BCL9: variants seen among roughly 807,000 people sequenced by gnomAD.
BCL9 encodes BCL9 transcription coactivator.
Under a neutral mutation model 88.5 loss-of-function variants are expected in BCL9, and 25 were observed. That is an observed-to-expected ratio of 0.28 (90% confidence interval 0.21 to 0.39). The LOEUF (loss-of-function observed/expected upper bound fraction) is 0.39, where lower values mean the gene tolerates loss of function less well. Ranked by LOEUF, BCL9 falls within the 10% of genes least tolerant of loss-of-function variation. The pLI, the probability that BCL9 is intolerant of heterozygous loss-of-function variation, is 1.00. For synonymous variants in BCL9, 711 were observed against 673.3 expected (o/e 1.06, Z -0.87); for missense variants, 1,817 against 1,877.8 (o/e 0.97, Z 0.60).
chr1:147,615,132 C>T (rs781994926), intron 6 of BCL9, among the ~76,000 whole-genome samples: 2 of 152,138 alleles, frequency 1.3e-5, no homozygotes, highest in South Asian at 2.1e-4. Flanking sequence ...TGAGCCACCG[C>T]GCCTGGCCAT....
intron 1 of BCL9, among the ~76,000 whole-genome samples, chr1:147,542,666 C>T (rs1449200409): frequency 2.7e-5 from 4 of 147,290 alleles, no homozygotes; most frequent in African/African-American, 9.9e-5. Flanking sequence ...CTGTTGGCTT[C>T]TGTCCTTTTT....
At position 147,622,382 on chromosome 1, in the gene BCL9, C is replaced by T. The variant is rs1570922569; in HGVS notation, c.3014C>T (p.Pro1005Leu). ...MPPEPTLSQN[P>L]LSIMMSRMSK... ...CCAGAGCCAACCCTTTCCCAGAACC[C>T]ACTCTCTATTATGATGTCTCGAATG... Residue 1005 changes from proline (P) to leucine (L), a missense_variant, in exon 9 of 10, where the codon CCA becomes CTA. Physicochemically the swap from Pro to Leu is moderately conservative, Grantham distance 98. This residue lies in a region of BCL9 where 589 missense variants were observed against 686.2 expected (regional missense o/e 0.86). Coordinates refer to ENST00000234739, the MANE Select transcript of BCL9 (RefSeq NM_004326.4). 1.2e-6 allele frequency: 2 copies of T among 1,614,186 alleles called. No individual in the cohort carries two copies. The highest frequency in any genetic ancestry group is 1.7e-6 in the Non-Finnish European group (2 of 1,180,030).
chr1:147,586,572 C>T (rs1208106833), intron 1 of BCL9, among the ~76,000 whole-genome samples: 1 of 152,172 alleles, frequency 6.6e-6, no homozygotes, highest in Non-Finnish European at 1.5e-5. Flanking sequence ...AGGCGCCTGC[C>T]GTGAGCAATT....
At chr1:147,596,411 C>CTTTT (rs1170664573) in intron 1 of BCL9, among the ~76,000 whole-genome samples, 1 of 6,588 alleles carries the variant, frequency 1.5e-4, no homozygotes, top group Non-Finnish European at 3.1e-4. Flanking sequence ...TCTTTTTTTT[C>CTTTT]TTTTCTTTTT....
chr1:147,605,327 G>A (rs587690903), intron 2 of BCL9, among the ~76,000 whole-genome samples: 60 of 152,156 alleles, frequency 3.9e-4, no homozygotes, highest in Non-Finnish European at 7.1e-4. Flanking sequence ...AGAGTTCCGT[G>A]TCTACACATA....
At position 147,619,932 on chromosome 1, in the gene BCL9, C is replaced by A. The variant is rs1658520013; in HGVS notation, c.1777C>A (p.Pro593Thr). 1 of 1,614,026 alleles carries A rather than the reference C, an allele frequency of 6.2e-7. No homozygotes were observed. ...SRPGLSGVSW[P>T]DDVPKIPDGR... ...ACCAGGTCTTTCTGGAGTCAGTTGGCCAGATGATGTGCCAAAAATCCCAGA... is the reference window on the plus strand; with the variant it reads ...ACCAGGTCTTTCTGGAGTCAGTTGGACAGATGATGTGCCAAAAATCCCAGA... The change falls in exon 8 of 10, where the codon CCA becomes ACA. Residue 593 changes from proline to threonine, a missense_variant. Physicochemically the swap from Pro to Thr is conservative, Grantham distance 38 (BLOSUM62 -1). Transcript: ENST00000234739. This position sits in a 1 kb window ranked among gnomAD's most constrained non-coding sequence, Gnocchi z 4.1.
intron 1 of BCL9, among the ~76,000 whole-genome samples, chr1:147,578,197 A>G (rs11240081): frequency 0.18 from 26,842 of 152,078 alleles, 2,984 homozygotes; most frequent in Admixed American, 0.29. Flanking sequence ...TTTAGTCAGT[A>G]CTGCTTTCTT....
chr1:147,625,607 C>A lies in BCL9; in HGVS notation c.*648C>A, dbSNP rs1415165415. 4.4e-6 allele frequency: 1 copy of A among 224,846 alleles called. No homozygotes were observed. Among genetic ancestry groups the A allele is most frequent in the African/African-American group, 2.2e-5 (1 of 44,636 alleles). The allele number at this position is 224,846 out of a possible 1,614,324, so 13.9% of individuals were successfully genotyped here. A position where few individuals can be genotyped will look rare whatever the true frequency, so the allele number is the denominator to read the frequency against. On this transcript the variant is annotated 3_prime_UTR_variant, in exon 10 of 10. Transcript: ENST00000234739. ...GGGTGGGGGGAGGGGGGAGATTTTT[C>A]TTTTGAAAAATAATGACTCTTAGGA...
chr1:147,598,756 C>A (rs1191187106), intron 1 of BCL9, among the ~76,000 whole-genome samples: 3 of 152,186 alleles, frequency 2.0e-5, no homozygotes, highest in Non-Finnish European at 4.4e-5. Context: ...GTTGCCGAAG[C>A]AGCTAACTTA....
At chr1:147,610,091 T>G (rs1220997621) in intron 3 of BCL9, among the ~76,000 whole-genome samples, 1 of 152,138 alleles carries the variant, frequency 6.6e-6, no homozygotes, top group African/African-American at 2.4e-5. Context: ...TCCCAGTGAT[T>G]TCTAATGTTC....
At chr1:147,590,475 C>T (rs1656799861) in intron 1 of BCL9, among the ~76,000 whole-genome samples, 1 of 152,166 alleles carries the variant, frequency 6.6e-6, no homozygotes, top group Non-Finnish European at 1.5e-5. Context: ...TCTCTTCTCT[C>T]TTCTTCTGCC....
chr1:147,618,343 T>C (rs1427314982), intron 7 of BCL9, among the ~76,000 whole-genome samples: 11 of 152,182 alleles, frequency 7.2e-5, no homozygotes, highest in Non-Finnish European at 2.9e-5. Flanking sequence ...GACTTACGCT[T>C]TCTCTCTCAA....
At chr1:147,606,402 A>G (rs188831043) in intron 2 of BCL9, among the ~76,000 whole-genome samples, 3 of 152,314 alleles carry the variant, frequency 2.0e-5, no homozygotes, top group Admixed American at 6.5e-5. Flanking sequence ...GTCTCTTCTC[A>G]CCTTTACAGT....
Position 147,562,103 on chromosome 1 carries a change from C to T in BCL9, c.-478+20429C>T, listed in dbSNP as rs587680210. 1.1e-4 allele frequency among the ~76,000 whole-genome samples: 17 copies of T among 152,110 alleles called. No homozygotes were observed. In the South Asian group the frequency reaches 2.3e-3, roughly 20 times the overall value. ...CAGCACTTTAGGAGGCCGAGGCGGG[C>T]GGATCACCTGAGGTCGGGAGTTCAA... On this transcript the variant is annotated intron_variant, in intron 1 of 9. Transcript: ENST00000234739.
chr1:147,578,381 A>T (rs1656204529), intron 1 of BCL9, among the ~76,000 whole-genome samples: 1 of 152,204 alleles, frequency 6.6e-6, no homozygotes. Flanking sequence ...CACAGTCAGA[A>T]AGCAGTTTAT....
In BCL9 at chr1:147,613,151, T is replaced by G; in HGVS notation, c.322T>G (p.Phe108Val). Residue 108 changes from phenylalanine (F) to valine (V), a missense_variant, in exon 5 of 10, where the codon TTT becomes GTT. Physicochemically the swap from Phe to Val is conservative, Grantham distance 50. This residue lies in a region of BCL9 where 1,228 missense variants were observed against 1,191.6 expected (regional missense o/e 1.03). Transcript: ENST00000234739. Reference sequence around the variant, plus strand: ...GGAGCGAAGTATTTCCGCCGACTCCTTTGATCAGAGAGATCCTGGGACTCC... The same window carrying G: ...GGAGCGAAGTATTTCCGCCGACTCCGTTGATCAGAGAGATCCTGGGACTCC... ...KRERSISADSFDQRDPGTPND... is the reference protein window; with the variant it reads ...KRERSISADSVDQRDPGTPND... The G allele has an allele frequency of 6.2e-7, 1 of 1,614,196 alleles. No individual in the cohort carries two copies. Among genetic ancestry groups the G allele is most frequent in the Non-Finnish European group, 8.5e-7 (1 of 1,180,022 alleles).
chr1:147,544,581 A>G (rs1654472655), intron 1 of BCL9, among the ~76,000 whole-genome samples: 1 of 152,146 alleles, frequency 6.6e-6, no homozygotes, highest in Non-Finnish European at 1.5e-5. Context: ...ATCTCGTTTT[A>G]CTGATTCCAT....
At chr1:147,615,927 A>G (rs781910017) in intron 7 of BCL9, 25 bp downstream of exon 7, 1 of 1,578,236 alleles carries the variant, frequency 6.3e-7, no homozygotes, top group Non-Finnish European at 8.7e-7. Flanking sequence ...AAACTGAGTA[A>G]TGGTTTAATG....
At chr1:147,563,433 C>CA (rs1655472524) in intron 1 of BCL9, among the ~76,000 whole-genome samples, 1 of 152,110 alleles carries the variant, frequency 6.6e-6, no homozygotes, top group Non-Finnish European at 1.5e-5. Context: ...GCAGGTATAA[C>CA]AACATTCAGG....
Sources: allele counts gnomAD v4.1 joint callset (sites outside exome capture counted in the v4.1 genomes callset), GRCh38; gene constraint gnomAD v4.1.1; regional missense constraint gnomAD v4.1.1; non-coding constraint Gnocchi (gnomAD v3.1); transcripts MANE v1.5; gene names NCBI Gene and HGNC (gene_info 2026-07-23, HGNC 2026-07-21).